Variants in SEMA3D observed in about 807,000 individuals in gnomAD.
The protein encoded by SEMA3D is semaphorin-3D.
A neutral mutation model predicts 100.1 loss-of-function variants in SEMA3D; 84 were observed. The observed-to-expected ratio is 0.84, with a 90% CI of 0.70 to 1.01. The LOEUF (loss-of-function observed/expected upper bound fraction) is 1.01. Among genes scored for constraint, SEMA3D ranks in the 50% least tolerant of loss-of-function variants. SEMA3D has a pLI of 0.00. For synonymous variants in SEMA3D, 312 were observed against 320.7 expected, an observed-to-expected ratio of 0.97 and a Z score of 0.29; for missense variants, 875 against 934.1, an observed-to-expected ratio of 0.94 and a Z score of 0.82.
At chr7:85,200,996 T>G in the SEMA3D span, among the ~76,000 whole-genome samples, 1 of 152,360 alleles carries the variant, frequency 6.6e-6, no homozygotes, top group Admixed American at 6.5e-5. Flanking sequence ...TTGTCTCATA[T>G]TTGCCTAGAC....
the SEMA3D span, among the ~76,000 whole-genome samples, chr7:85,231,436 C>CT: frequency 0.016 from 1,909 of 117,814 alleles, 74 homozygotes; most frequent in African/African-American, 0.02. Context: ...CAATCTTTCC[C>CT]TTTTTTTTTT....
chr7:85,203,790 G>T, the SEMA3D span, among the ~76,000 whole-genome samples: 1 of 151,898 alleles, frequency 6.6e-6, no homozygotes, highest in East Asian at 1.9e-4. Context: ...TACAGATTGA[G>T]CTAGAGAAAT....
intron 8 of SEMA3D, 137 bp downstream of exon 8, chr7:85,065,287 G>A (rs958015026): frequency 6.6e-6 from 5 of 755,820 alleles, no homozygotes; most frequent in Middle Eastern, 3.8e-4. Flanking sequence ...TCTTAGTGGG[G>A]AATTATTTCA....
chr7:85,027,164 G>A (rs1790414001), intron 12 of SEMA3D, among the ~76,000 whole-genome samples: 1 of 152,020 alleles, frequency 6.6e-6, no homozygotes, highest in South Asian at 2.1e-4. Context: ...CGGTATGCCA[G>A]GGCCCAGAGC....
chr7:85,172,323 G>T (rs1414628779), intron 1 of SEMA3D, among the ~76,000 whole-genome samples: 22 of 151,832 alleles, frequency 1.4e-4, no homozygotes, highest in Admixed American at 1.4e-3. Flanking sequence ...AGACAATTAT[G>T]GGAATAGACT....
intron 2 of SEMA3D, among the ~76,000 whole-genome samples, chr7:85,128,041 T>A (rs182067223): frequency 1.3e-5 from 2 of 152,064 alleles, no homozygotes; most frequent in East Asian, 1.9e-4. Context: ...CTTTTTTTTT[T>A]ATGAAGAGAC....
At chr7:85,144,812 C>T (rs977095160) in intron 2 of SEMA3D, 1 of 327,596 alleles carries the variant, frequency 3.1e-6, no homozygotes, top group African/African-American at 2.2e-5. Flanking sequence ...CTACTTTAAT[C>T]CCAGCCCAAT....
the SEMA3D span, among the ~76,000 whole-genome samples, chr7:85,238,384 G>A: frequency 2.0e-5 from 3 of 152,052 alleles, no homozygotes; most frequent in African/African-American, 7.2e-5. Context: ...TTCTTATGAA[G>A]GGTGTAAAAT....
At chr7:85,029,449 G>A in intron 12 of SEMA3D, 1 of 748,928 alleles carries the variant, frequency 1.3e-6, no homozygotes, top group East Asian at 2.5e-5. Flanking sequence ...GATTAACAAT[G>A]AGCACAAACA....
In SEMA3D at chr7:85,022,595, C is replaced by T. The variant is rs1314518699; in HGVS notation, c.1210G>A (p.Asp404Asn). ...RPGTCPSKTY[D>N]PLIKSTRDFP... ...TCTCGGGTGGACTTAATCAGTGGGT[C>T]ATAGGTTTTGCTTGGACACTGAAAA... is the stretch of plus-strand genomic sequence containing the variant. The change falls in exon 13 of 19, where the codon GAC (aspartate) becomes AAC (asparagine). Residue 404 changes from aspartate to asparagine, a missense_variant. Transcript: ENST00000284136. 2 of 1,611,224 alleles carry T rather than the reference C, an allele frequency of 1.2e-6. No homozygotes were observed. The highest frequency in any genetic ancestry group is 1.7e-6 in the Non-Finnish European group (2 of 1,178,080).
At chr7:85,065,875 G>T (rs1232683980) in intron 7 of SEMA3D, among the ~76,000 whole-genome samples, 1 of 152,052 alleles carries the variant, frequency 6.6e-6, no homozygotes, top group Non-Finnish European at 1.5e-5. Context: ...TCAAATAAAT[G>T]TCATAATTAA....
intron 2 of SEMA3D, among the ~76,000 whole-genome samples, chr7:85,128,553 T>C (rs2116425543): frequency 6.6e-6 from 1 of 152,208 alleles, no homozygotes; most frequent in Admixed American, 6.6e-5. Flanking sequence ...TTATCAAAAC[T>C]AAGCAATATT....
the SEMA3D span, among the ~76,000 whole-genome samples, chr7:85,218,643 A>T: frequency 6.6e-6 from 1 of 152,116 alleles, no homozygotes; most frequent in Non-Finnish European, 1.5e-5. Context: ...CTGAGCTTTA[A>T]CAGATAATTT....
intron 7 of SEMA3D, among the ~76,000 whole-genome samples, chr7:85,067,553 G>C (rs983649182): frequency 6.6e-6 from 1 of 152,070 alleles, no homozygotes; most frequent in African/African-American, 2.4e-5. Context: ...ACCAAACCAA[G>C]ACAAAAGGAG....
intron 3 of SEMA3D, among the ~76,000 whole-genome samples, chr7:85,113,926 C>G (rs1789166675): frequency 6.6e-6 from 1 of 152,082 alleles, no homozygotes; most frequent in Non-Finnish European, 1.5e-5. Context: ...GAAAACAAAG[C>G]TAATTTTATG....
intron 5 of SEMA3D, among the ~76,000 whole-genome samples, chr7:85,074,204 A>G (rs1791856389): frequency 6.6e-6 from 1 of 152,182 alleles, no homozygotes. Flanking sequence ...GGAAGTTGGT[A>G]ACCTGAGAAA....
At chr7:85,029,399 A>T (rs1400717859) in intron 12 of SEMA3D, 4 of 906,452 alleles carry the variant, frequency 4.4e-6, no homozygotes, top group Non-Finnish European at 7.3e-6. Flanking sequence ...TATGTGTTCA[A>T]CATGAAAGCA....
At chr7:85,189,666 CAAAAAG>C (rs943743960), upstream of SEMA3D, among the ~76,000 whole-genome samples, 18 of 151,750 alleles carry the variant, frequency 1.2e-4, no homozygotes, top group African/African-American at 4.3e-4. Flanking sequence ...AAAATACAAA[CAAAAAG>C]AAAAAGGAAA....
the SEMA3D span, among the ~76,000 whole-genome samples, chr7:85,197,895 T>C: frequency 6.6e-6 from 1 of 152,176 alleles, no homozygotes; most frequent in African/African-American, 2.4e-5. Flanking sequence ...TGGATGAATA[T>C]ATTGTGCAAA....
Sources: gnomAD v4.1 joint callset for allele counts (sites outside exome capture counted in the v4.1 genomes callset) on GRCh38, gnomAD v4.1.1 for gene constraint, MANE v1.5 for transcripts, NCBI Gene and HGNC (gene_info 2026-07-23, HGNC 2026-07-21) for gene names.